SLC9C1: variants seen among roughly 807,000 people sequenced by gnomAD.
SLC9C1 encodes solute carrier family 9 member C1, also known as sodium/hydrogen exchanger 10.
SLC9C1 carries 97 observed loss-of-function variants against 140.9 expected under a neutral mutation model. The observed-to-expected ratio is 0.69, with a 90% confidence interval of 0.58 to 0.82. SLC9C1 has a LOEUF of 0.82. Among genes scored for constraint, SLC9C1 ranks in the 40% least tolerant of loss-of-function variants. The pLI is 0.00. For synonymous variants in SLC9C1, 440 were observed against 442.6 expected (o/e 0.99, Z 0.07); for missense variants, 1,340 against 1,389.3 (o/e 0.96, Z 0.56).
chr3:112,141,047 G>C lies in SLC9C1; in HGVS notation c.*225C>G, dbSNP rs2074606218. Reference sequence around the variant, plus strand: ...ACTCTAAGATTTTCTAAAATGTTTTGTATATTTAAAATAACAAATATTTTA... The same window carrying C: ...ACTCTAAGATTTTCTAAAATGTTTTCTATATTTAAAATAACAAATATTTTA... On this transcript the variant is annotated 3_prime_UTR_variant, in exon 29 of 29. Transcript: ENST00000305815. The C allele has an allele frequency of 2.5e-6, 1 of 393,156 alleles. No individual in the cohort carries two copies. The highest frequency in any genetic ancestry group is 2.1e-5 in the African/African-American group (1 of 48,026). The allele number at this position is 393,156 out of a possible 1,614,324, so 24.4% of individuals were successfully genotyped here. A position where few individuals can be genotyped will look rare whatever the true frequency, so the allele number is the denominator to read the frequency against.
At chr3:112,242,683 T>C (rs2079169289) in intron 11 of SLC9C1, among the ~76,000 whole-genome samples, 1 of 152,176 alleles carries the variant, frequency 6.6e-6, no homozygotes, top group African/African-American at 2.4e-5. Context: ...AGAGCACAAT[T>C]GGATTGTTTG....
At chr3:112,207,018 C>T (rs1450028430) in intron 16 of SLC9C1, among the ~76,000 whole-genome samples, 1 of 151,904 alleles carries the variant, frequency 6.6e-6, no homozygotes, top group Non-Finnish European at 1.5e-5. Flanking sequence ...TGAATTTAGA[C>T]ATGTTAAAGT....
chr3:112,208,006 T>G (rs2078102627), intron 16 of SLC9C1, among the ~76,000 whole-genome samples, 172 bp downstream of exon 16: 1 of 152,212 alleles, frequency 6.6e-6, no homozygotes, highest in South Asian at 2.1e-4. Flanking sequence ...GTATGCATAT[T>G]ATCTATTGAG....
chr3:112,287,276 G>C (rs994600486), intron 1 of SLC9C1, among the ~76,000 whole-genome samples: 6 of 152,186 alleles, frequency 3.9e-5, no homozygotes. Flanking sequence ...GCCTCTGCAA[G>C]CATGTTCTGA....
At chr3:112,252,700 G>A (rs2079495947) in intron 10 of SLC9C1, among the ~76,000 whole-genome samples, 1 of 152,004 alleles carries the variant, frequency 6.6e-6, no homozygotes, top group Non-Finnish European at 1.5e-5. Flanking sequence ...TTGCTGTTTA[G>A]TAGCCTTAGC....
intron 2 of SLC9C1, 55 bp downstream of exon 2, chr3:112,286,649 C>A (rs1010884341): frequency 3.5e-6 from 5 of 1,422,014 alleles, no homozygotes; most frequent in Non-Finnish European, 4.8e-6. Flanking sequence ...TATATGGTAG[C>A]ATTTATAAGA....
At chr3:112,198,840 C>T (rs2077831616) in intron 20 of SLC9C1, among the ~76,000 whole-genome samples, 1 of 151,586 alleles carries the variant, frequency 6.6e-6, no homozygotes, top group African/African-American at 2.4e-5. Context: ...ATGCTATTTC[C>T]AATTTTGGTG....
chr3:112,228,108 C>A (rs1254802736), intron 13 of SLC9C1, among the ~76,000 whole-genome samples: 1 of 152,056 alleles, frequency 6.6e-6, no homozygotes, highest in Non-Finnish European at 1.5e-5. Flanking sequence ...GCACAAGGAA[C>A]AAAGCTGGAG....
In SLC9C1 at chr3:112,179,563, T is replaced by C; in HGVS notation, c.2887A>G (p.Lys963Glu). The C allele has an allele frequency of 6.2e-7, 1 of 1,609,532 alleles. No homozygotes were observed. Among genetic ancestry groups the C allele is most frequent in the South Asian group, 1.1e-5 (1 of 89,288 alleles). The stretch of plus-strand genomic sequence containing the variant: ...ACAGTTTTGCAGGTGGCAGAATATT[T>C]CATAGGTTCATTAGTTAAGCAGTTT... ...EINCLTNEPM[K>E]YSATCKTVVE... Residue 963 changes from lysine to glutamate, a missense_variant, in exon 23 of 29, where the codon AAA becomes GAA. By Grantham distance (56) the Lys-to-Glu change is moderately conservative (BLOSUM62 1). Coordinates refer to ENST00000305815, the MANE Select transcript of SLC9C1 (RefSeq NM_183061.3).
intron 1 of SLC9C1, among the ~76,000 whole-genome samples, chr3:112,288,414 C>T (rs2080581967): frequency 6.6e-6 from 1 of 152,018 alleles, no homozygotes; most frequent in African/African-American, 2.4e-5. Context: ...GCATCAAAAG[C>T]CTTATAGATA....
chr3:112,204,090 TA>T, intron 17 of SLC9C1, 127 bp downstream of exon 17: 1 of 1,076,000 alleles, frequency 9.3e-7, no homozygotes, highest in Non-Finnish European at 1.2e-6. Flanking sequence ...CAAAGGAAGC[TA>T]AAATTTAAAA....
chr3:112,286,269 A>ACAGT (rs1404354100), intron 2 of SLC9C1, among the ~76,000 whole-genome samples: 3 of 152,202 alleles, frequency 2.0e-5, no homozygotes, highest in Admixed American at 2.0e-4. Context: ...TCTTTGTAAT[A>ACAGT]CAGTCCCTAA....
intron 20 of SLC9C1, among the ~76,000 whole-genome samples, chr3:112,190,094 A>G (rs1234436187): frequency 5.9e-5 from 9 of 152,064 alleles, no homozygotes; most frequent in Non-Finnish European, 2.9e-5. Context: ...GTATCCCGAG[A>G]CTTTGCTGAA....
At position 112,194,462 on chromosome 3, in the gene SLC9C1, C is replaced by T. The variant is rs559559256; in HGVS notation, c.2523+4859G>A. 4.6e-5 allele frequency among the ~76,000 whole-genome samples: 7 copies of T among 152,268 alleles called. No individual in the cohort carries two copies. The South Asian group carries it at 1.5e-3, about 32-fold the overall frequency. On this transcript the variant is annotated intron_variant, in intron 20 of 28. Coordinates refer to ENST00000305815, the MANE Select transcript of SLC9C1 (RefSeq NM_183061.3). Reference sequence around the variant, plus strand: ...CAAATCTTATTTTTTTAATTTGTTGCCTTGGTCCTTTCTTTTCAGGGGTGA... The same window carrying T: ...CAAATCTTATTTTTTTAATTTGTTGTCTTGGTCCTTTCTTTTCAGGGGTGA...
chr3:112,287,936 G>C (rs926450463), intron 1 of SLC9C1, among the ~76,000 whole-genome samples: 1 of 151,516 alleles, frequency 6.6e-6, no homozygotes, highest in South Asian at 2.1e-4. Flanking sequence ...CTAGCTACTC[G>C]GGAGGCTGAG....
chr3:112,158,904 T>A (rs1420940808), intron 26 of SLC9C1, among the ~76,000 whole-genome samples: 2 of 151,936 alleles, frequency 1.3e-5, no homozygotes, highest in Non-Finnish European at 2.9e-5. Context: ...CTGGGGTTTA[T>A]CTCTTTTTCT....
intron 10 of SLC9C1, among the ~76,000 whole-genome samples, chr3:112,256,701 C>T (rs576962950): frequency 2.0e-4 from 30 of 152,062 alleles, no homozygotes; most frequent in African/African-American, 5.8e-4. Context: ...ATTATAGTAC[C>T]GGAAGTCCTG....
intron 15 of SLC9C1, among the ~76,000 whole-genome samples, chr3:112,213,511 G>C (rs934253837): frequency 1.3e-5 from 2 of 152,110 alleles, no homozygotes; most frequent in Non-Finnish European, 2.9e-5. Flanking sequence ...GATGGAGGAA[G>C]ATCTACCAAG....
At chr3:112,167,083 A>G in intron 26 of SLC9C1, 138 bp downstream of exon 26, 1 of 863,752 alleles carries the variant, frequency 1.2e-6, no homozygotes. Context: ...GAACTCATAC[A>G]TTGAATAGCA....
Sources: gnomAD v4.1 joint callset for allele counts (sites outside exome capture counted in the v4.1 genomes callset) on GRCh38, gnomAD v4.1.1 for gene constraint, MANE v1.5 for transcripts, NCBI Gene and HGNC (gene_info 2026-07-23, HGNC 2026-07-21) for gene names.